PACSIN2: variants seen among roughly 807,000 people sequenced by gnomAD.
The protein encoded by PACSIN2 is protein kinase C and casein kinase substrate in neurons 2.
In PACSIN2, 25 loss-of-function variants were observed where a neutral mutation model predicts 63.8. The observed-to-expected ratio is 0.39, with a 90% CI of 0.29 to 0.55. The LOEUF (loss-of-function observed/expected upper bound fraction) is 0.55. PACSIN2 is among the 20% of genes least tolerant of loss of function. The probability of loss-of-function intolerance (pLI) is 0.62; values close to 1 mark genes in which losing one functional copy is unlikely to be tolerated. For missense variants in PACSIN2, 518 were observed against 646.9 expected (o/e 0.80, Z 2.16); for synonymous variants, 255 against 256.2 (o/e 1.00, Z 0.05).
chr22:42,945,193 G>A (rs1208501335), intron 1 of PACSIN2, among the ~76,000 whole-genome samples: 1 of 148,974 alleles, frequency 6.7e-6, no homozygotes, highest in African/African-American at 2.5e-5. Context: ...GTGACTAGAT[G>A]TACGCACCGG....
chr22:42,889,145 C>T (rs1194857170), intron 4 of PACSIN2, among the ~76,000 whole-genome samples: 5 of 151,914 alleles, frequency 3.3e-5, no homozygotes, highest in African/African-American at 7.3e-5. Flanking sequence ...ACAACTGAGA[C>T]GGAGCATGGG....
intron 1 of PACSIN2, among the ~76,000 whole-genome samples, chr22:42,928,437 T>C (rs1455272778): frequency 6.6e-6 from 1 of 152,260 alleles, no homozygotes; most frequent in Non-Finnish European, 1.5e-5. Context: ...TAGCTTCTAA[T>C]TTCATGCATC....
intron 2 of PACSIN2, among the ~76,000 whole-genome samples, chr22:42,911,155 CG>C (rs201782418): frequency 0.031 from 4,726 of 152,144 alleles, 99 homozygotes; most frequent in African/African-American, 0.048. Context: ...CCACCCGCCT[CG>C]GCCTCCCAAA....
chr22:42,984,117 T>C (rs1922443092), intron 1 of PACSIN2, among the ~76,000 whole-genome samples: 1 of 151,944 alleles, frequency 6.6e-6, no homozygotes, highest in Non-Finnish European at 1.5e-5. Context: ...ATCATAGGTG[T>C]GCACCACCAC....
chr22:42,905,565 G>T (rs922404545), intron 2 of PACSIN2, among the ~76,000 whole-genome samples: 1 of 152,212 alleles, frequency 6.6e-6, no homozygotes, highest in Admixed American at 6.5e-5. Context: ...CCTGACCTGC[G>T]ACGGTGCACC....
chr22:42,886,508 C>T (rs547355795), intron 5 of PACSIN2, among the ~76,000 whole-genome samples: 1 of 152,220 alleles, frequency 6.6e-6, no homozygotes, highest in South Asian at 2.1e-4. Flanking sequence ...CTCTGTCACC[C>T]AGGCTGGAGT....
chr22:42,878,460 C>T (rs1928815457), intron 8 of PACSIN2, among the ~76,000 whole-genome samples: 1 of 152,206 alleles, frequency 6.6e-6, no homozygotes, highest in African/African-American at 2.4e-5. Context: ...GGAAGACCTC[C>T]TCTAGCACAC....
At chr22:42,956,791 T>G (rs1933934502) in intron 1 of PACSIN2, among the ~76,000 whole-genome samples, 1 of 152,026 alleles carries the variant, frequency 6.6e-6, no homozygotes, top group African/African-American at 2.4e-5. Context: ...TTTGGAGCAA[T>G]GCCAGCACTG....
At chr22:42,981,823 TGGGG>T (rs1321709408) in intron 1 of PACSIN2, among the ~76,000 whole-genome samples, 1 of 74,018 alleles carries the variant, frequency 1.4e-5, no homozygotes, top group African/African-American at 5.2e-5. Flanking sequence ...GGGAGGGAGG[TGGGG>T]GGTCAGCCCC....
chr22:42,877,128 A>C, intron 8 of PACSIN2, 118 bp from the exon 9 acceptor site: 1 of 1,091,964 alleles, frequency 9.2e-7, no homozygotes, highest in East Asian at 2.4e-5. Context: ...ACCGGAGGGG[A>C]CCGTGGTGTT....
chr22:43,009,871 T>TA (rs1272837378), intron 1 of PACSIN2, among the ~76,000 whole-genome samples: 2 of 68,980 alleles, frequency 2.9e-5, no homozygotes, highest in African/African-American at 7.1e-5. Flanking sequence ...TTCTATTTTT[T>TA]TTTTTTTTTT....
At chr22:42,876,637 C>A (rs1928654820) in intron 9 of PACSIN2, among the ~76,000 whole-genome samples, 1 of 152,216 alleles carries the variant, frequency 6.6e-6, no homozygotes, top group Non-Finnish European at 1.5e-5. Flanking sequence ...GCTGCTAGGG[C>A]CTTGAAGGGT....
At chr22:42,941,813 G>C (rs1933176866) in intron 1 of PACSIN2, among the ~76,000 whole-genome samples, 1 of 152,166 alleles carries the variant, frequency 6.6e-6, no homozygotes, top group South Asian at 2.1e-4. Flanking sequence ...CTGTCACTCT[G>C]TCACCCAGGC....
chr22:42,920,782 G>T (rs1308860403), intron 1 of PACSIN2, among the ~76,000 whole-genome samples: 7 of 141,530 alleles, frequency 4.9e-5, no homozygotes, highest in Non-Finnish European at 6.1e-5. Flanking sequence ...CAATTATCAT[G>T]AATTATCACA....
At chr22:42,921,326 C>A (rs1024080812) in intron 1 of PACSIN2, among the ~76,000 whole-genome samples, 7 of 151,198 alleles carry the variant, frequency 4.6e-5, no homozygotes, top group Non-Finnish European at 8.9e-5. Flanking sequence ...GTCACTGTCG[C>A]CCACCCTGGG....
intron 1 of PACSIN2, among the ~76,000 whole-genome samples, chr22:42,952,787 C>T (rs1403195199): frequency 2.6e-5 from 4 of 151,976 alleles, no homozygotes; most frequent in African/African-American, 7.3e-5. Flanking sequence ...CTCAGCCTCC[C>T]GAGTAGCTGG....
intron 1 of PACSIN2, among the ~76,000 whole-genome samples, chr22:43,010,398 A>ATATATATATATATATATAT: frequency 3.2e-5 from 4 of 126,402 alleles, no homozygotes; most frequent in South Asian, 5.4e-4. Flanking sequence ...ATATATATAT[A>ATATATATATATATATATAT]TTTTTTTTTA....
At chr22:42,921,055 G>A (rs1203756704) in intron 1 of PACSIN2, among the ~76,000 whole-genome samples, 1 of 151,700 alleles carries the variant, frequency 6.6e-6, no homozygotes, top group African/African-American at 2.4e-5. Context: ...CCTGCTCCAG[G>A]GTCATTTTTA....
chr22:42,927,060 T>C (rs1158049125), intron 1 of PACSIN2, among the ~76,000 whole-genome samples: 1 of 152,136 alleles, frequency 6.6e-6, no homozygotes, highest in Admixed American at 6.5e-5. Context: ...CACAGAGCTG[T>C]CAAGGCCAAC....
Sources: gnomAD v4.1 joint callset for allele counts (sites outside exome capture counted in the v4.1 genomes callset) on GRCh38, gnomAD v4.1.1 for gene constraint, MANE v1.5 for transcripts, NCBI Gene and HGNC (gene_info 2026-07-23, HGNC 2026-07-21) for gene names.